CDKL5: variants seen among roughly 807,000 people sequenced by gnomAD.
CDKL5 encodes cyclin dependent kinase like 5.
Under a neutral mutation model 61.7 loss-of-function variants are expected in CDKL5, and 8 were observed. That is an observed-to-expected ratio of 0.13 (90% confidence interval 0.08 to 0.23). CDKL5 has a LOEUF of 0.23. Ranked by LOEUF, CDKL5 falls within the 10% of genes least tolerant of loss-of-function variation. The probability of loss-of-function intolerance (pLI) is 1.00; values close to 1 mark genes in which losing one functional copy is unlikely to be tolerated. For missense variants in CDKL5, 440 were observed against 734.5 expected, an observed-to-expected ratio of 0.60 and a Z score of 4.63; for synonymous variants, 275 against 272.3, an observed-to-expected ratio of 1.01 and a Z score of -0.10.
At chrX:18,453,170 C>T (rs546147603) in intron 1 of CDKL5, among the ~76,000 whole-genome samples, 5 of 111,485 alleles carry the variant, frequency 4.5e-5, no homozygotes, top group African/African-American at 1.6e-4. Context: ...TTTTTGGTCA[C>T]ACAACTTTAC....
chrX:18,501,151 T>A (rs940779718), intron 1 of CDKL5, among the ~76,000 whole-genome samples: 2 of 111,000 alleles, frequency 1.8e-5, no homozygotes, highest in Non-Finnish European at 3.8e-5. Flanking sequence ...CCACTCACAT[T>A]CTGATTCCCA....
At chrX:18,589,626 C>T (rs181349358) in intron 9 of CDKL5, 44 of 111,740 alleles carry the variant, frequency 3.9e-4, no homozygotes, top group African/African-American at 1.4e-3. Context: ...TTTATAGCAG[C>T]ATGATTTATA....
chrX:18,613,932 G>T (rs1983527180), intron 15 of CDKL5, among the ~76,000 whole-genome samples: 1 of 112,059 alleles, frequency 8.9e-6, no homozygotes, highest in African/African-American at 3.2e-5. Flanking sequence ...TAAATATTTA[G>T]GGAGAGAATT....
chrX:18,430,238 G>C (rs1239108688), intron 1 of CDKL5, among the ~76,000 whole-genome samples: 1 of 112,149 alleles, frequency 8.9e-6, no homozygotes, highest in African/African-American at 3.2e-5. Context: ...CATGTTTCTG[G>C]ATATTGCATT....
chrX:18,514,508 A>G (rs1922939907), intron 3 of CDKL5, among the ~76,000 whole-genome samples: 1 of 110,339 alleles, frequency 9.1e-6, no homozygotes, highest in Non-Finnish European at 1.9e-5. Context: ...GGAGTTCAAG[A>G]TCAGCCTGGC....
chrX:18,500,155 A>G (rs1196349796), intron 1 of CDKL5, among the ~76,000 whole-genome samples: 1 of 111,338 alleles, frequency 9.0e-6, no homozygotes, highest in Non-Finnish European at 1.9e-5. Flanking sequence ...TAAAAATTTT[A>G]TTTTTAATGA....
intron 3 of CDKL5, among the ~76,000 whole-genome samples, chrX:18,517,848 A>G (rs1923076759): frequency 9.0e-6 from 1 of 111,480 alleles, no homozygotes; most frequent in Admixed American, 9.6e-5. Flanking sequence ...TCTACTAAAA[A>G]TACAAAAAAA....
At chrX:18,577,349 G>A (rs1925331484) in intron 5 of CDKL5, among the ~76,000 whole-genome samples, 1 of 111,213 alleles carries the variant, frequency 9.0e-6, no homozygotes, top group African/African-American at 3.3e-5. Context: ...TTCTTCCCCC[G>A]ATCCTGTGGT....
At chrX:18,451,686 C>T (rs761079049) in intron 1 of CDKL5, among the ~76,000 whole-genome samples, 3 of 110,990 alleles carry the variant, frequency 2.7e-5, no homozygotes, top group South Asian at 7.6e-4. Flanking sequence ...TACAGGTGTG[C>T]GCCACCATGT....
intron 12 of CDKL5, among the ~76,000 whole-genome samples, chrX:18,605,429 A>G (rs1326719028): frequency 1.8e-5 from 2 of 111,965 alleles, no homozygotes; most frequent in Non-Finnish European, 3.8e-5. Flanking sequence ...TTTTTAGCAT[A>G]ATGCTTCCTC....
intron 1 of CDKL5, among the ~76,000 whole-genome samples, chrX:18,488,117 T>A (rs1921857838): frequency 9.0e-6 from 1 of 111,043 alleles, no homozygotes; most frequent in South Asian, 3.9e-4. Flanking sequence ...AAAAAGTACC[T>A]CTTGAAGGTA....
intron 3 of CDKL5, among the ~76,000 whole-genome samples, chrX:18,557,939 T>C (rs1300283294): frequency 8.9e-6 from 1 of 111,960 alleles, no homozygotes; most frequent in African/African-American, 3.2e-5. Flanking sequence ...TATTTGTATT[T>C]GTTAGTACTC....
chrX:18,653,455 G>C, exon 22 of CDKL5: 1 of 1,211,365 alleles, frequency 8.3e-7, no homozygotes, highest in Non-Finnish European at 1.1e-6. Flanking sequence ...CGTGAGACAC[G>C]TTATGAGGGA....
chrX:18,502,914 C>A (rs1794550295), intron 1 of CDKL5, among the ~76,000 whole-genome samples: 1 of 111,613 alleles, frequency 9.0e-6, no homozygotes, highest in Non-Finnish European at 1.9e-5. Context: ...CTACTTGGAA[C>A]TCTGCCCTTC....
chrX:18,644,206 T>A (rs1927683021), downstream of CDKL5, among the ~76,000 whole-genome samples: 1 of 109,720 alleles, frequency 9.1e-6, no homozygotes, highest in African/African-American at 3.3e-5. Flanking sequence ...CTCAGACAAA[T>A]TTTTTTTTTG....
At chrX:18,589,452 C>A (rs1393109356) in intron 9 of CDKL5, 1 of 110,343 alleles carries the variant, frequency 9.1e-6, no homozygotes, top group Non-Finnish European at 1.9e-5. Flanking sequence ...TATCCATGTC[C>A]CTACAAAGGA....
intron 3 of CDKL5, among the ~76,000 whole-genome samples, chrX:18,550,755 G>A (rs944203958): frequency 1.8e-5 from 2 of 112,252 alleles, no homozygotes; most frequent in South Asian, 3.7e-4. Context: ...TCATTTTCTC[G>A]CCTCAGTGTT....
At chrX:18,650,493 C>A in exon 21 of CDKL5, 1 of 1,211,876 alleles carries the variant, frequency 8.3e-7, no homozygotes, top group Non-Finnish European at 1.1e-6. Context: ...AATCTCCAGT[C>A]CTGCTCCCTA....
intron 20 of CDKL5, chrX:18,647,426 G>T: frequency 1.0e-6 from 1 of 987,005 alleles, no homozygotes; most frequent in Non-Finnish European, 1.4e-6. Context: ...TCTGCTTTGC[G>T]CTTCGGAGAC....
Sources: gnomAD v4.1 joint callset for allele counts (sites outside exome capture counted in the v4.1 genomes callset) on GRCh38, gnomAD v4.1.1 for gene constraint, MANE v1.5 for transcripts, NCBI Gene and HGNC (gene_info 2026-07-23, HGNC 2026-07-21) for gene names.